Variants in HDAC9 observed in about 807,000 individuals in gnomAD.
The protein encoded by HDAC9 is MEF-2 interacting transcription repressor (MITR) protein.
Under a neutral mutation model 139.4 loss-of-function variants are expected in HDAC9, and 41 were observed. The observed-to-expected ratio is 0.29, with a 90% confidence interval of 0.23 to 0.38. The LOEUF (loss-of-function observed/expected upper bound fraction) is 0.38, where lower values mean the gene tolerates loss of function less well. Ranked by LOEUF, HDAC9 falls within the 10% of genes least tolerant of loss-of-function variation. The probability of loss-of-function intolerance (pLI) is 1.00; values close to 1 mark genes in which losing one functional copy is unlikely to be tolerated. For missense variants in HDAC9, 1,147 were observed against 1,297.0 expected (o/e 0.88, Z 1.78); for synonymous variants, 517 against 476.2 (o/e 1.09, Z -1.12).
intron 2 of HDAC9, among the ~76,000 whole-genome samples, chr7:18,498,512 A>AT (rs1264323100): frequency 6.6e-6 from 1 of 152,124 alleles, no homozygotes; most frequent in African/African-American, 2.4e-5. Context: ...TAACTGCTAA[A>AT]TTAGGGGTAT....
At chr7:18,172,802 T>C (rs1304260920) in intron 2 of HDAC9, among the ~76,000 whole-genome samples, 1 of 152,238 alleles carries the variant, frequency 6.6e-6, no homozygotes, top group Non-Finnish European at 1.5e-5. Flanking sequence ...TTGATTGCAC[T>C]GTGGTCTGAG....
rs759360875 is a variant in HDAC9, at chr7:18,161,563, G to T, written c.-96-666G>T. 7.9e-5 allele frequency among the ~76,000 whole-genome samples: 12 copies of T among 152,084 alleles called. No individual in the cohort carries two copies. The South Asian group carries it at 8.3e-4, about 11-fold the overall frequency. On this transcript the variant is annotated intron_variant, in intron 1 of 12. Transcript: ENST00000417496. ...GTCCTTCCAGTTGCTTTTCCTCTAAGTGTCTAGAAGTGGAAGTACATTAAA... is the reference window on the plus strand; with the variant it reads ...GTCCTTCCAGTTGCTTTTCCTCTAATTGTCTAGAAGTGGAAGTACATTAAA...
At chr7:18,792,642 G>A (rs1792425908) in intron 16 of HDAC9, among the ~76,000 whole-genome samples, 1 of 152,052 alleles carries the variant, frequency 6.6e-6, no homozygotes, top group Non-Finnish European at 1.5e-5. Context: ...CTATTTTACT[G>A]GCTTATCCAA....
At chr7:18,918,118 T>C (rs1301598471) in intron 22 of HDAC9, among the ~76,000 whole-genome samples, 1 of 152,070 alleles carries the variant, frequency 6.6e-6, no homozygotes, top group Non-Finnish European at 1.5e-5. Flanking sequence ...AATGCATTTC[T>C]GGCCATTTCT....
intron 2 of HDAC9, among the ~76,000 whole-genome samples, chr7:18,550,940 A>T (rs1816916453): frequency 6.6e-6 from 1 of 152,226 alleles, no homozygotes; most frequent in Non-Finnish European, 1.5e-5. Flanking sequence ...TTAGGACCCT[A>T]GCAATCCTGT....
chr7:18,418,128 T>C (rs1351532245), intron 1 of HDAC9, among the ~76,000 whole-genome samples: 5 of 152,180 alleles, frequency 3.3e-5, no homozygotes, highest in Non-Finnish European at 7.3e-5. Flanking sequence ...GTCTAGAATC[T>C]TGAAAACCGT....
intron 25 of HDAC9, among the ~76,000 whole-genome samples, chr7:18,988,557 G>C (rs1399453203): frequency 6.6e-6 from 1 of 152,010 alleles, no homozygotes; most frequent in African/African-American, 2.4e-5. Context: ...GGGGTGGAGA[G>C]TTCTGTAGAT....
chr7:18,748,206 G>T (rs565488679), intron 13 of HDAC9, among the ~76,000 whole-genome samples: 2 of 152,130 alleles, frequency 1.3e-5, no homozygotes, highest in East Asian at 3.9e-4. Context: ...TTTAAGTTCT[G>T]CTAATAATTC....
chr7:18,683,110 C>CT (rs887568024), intron 12 of HDAC9, among the ~76,000 whole-genome samples: 15 of 142,642 alleles, frequency 1.1e-4, no homozygotes, highest in Non-Finnish European at 1.9e-4. Flanking sequence ...CTGAACTTTT[C>CT]TTTTTTTTAC....
intron 1 of HDAC9, among the ~76,000 whole-genome samples, chr7:18,474,695 A>G (rs1449267823): frequency 6.6e-6 from 1 of 152,196 alleles, no homozygotes; most frequent in Non-Finnish European, 1.5e-5. Context: ...TTAGTGAACT[A>G]CTTCTTAATA....
chr7:18,900,167 A>C (rs1464550135), intron 22 of HDAC9, among the ~76,000 whole-genome samples: 2 of 152,282 alleles, frequency 1.3e-5, no homozygotes, highest in African/African-American at 4.8e-5. Flanking sequence ...TCTTAATTTC[A>C]AGTCTACAAA....
intron 7 of HDAC9, 62 bp downstream of exon 7, chr7:18,629,543 G>A: frequency 3.4e-6 from 5 of 1,450,006 alleles, no homozygotes; most frequent in East Asian, 4.8e-5. Flanking sequence ...AAATAGTTTA[G>A]AATAAATATA....
chr7:18,809,277 G>T (rs1038548580), intron 17 of HDAC9, among the ~76,000 whole-genome samples: 6 of 151,976 alleles, frequency 3.9e-5, no homozygotes, highest in African/African-American at 1.4e-4. Flanking sequence ...ACAGGGTCTT[G>T]GCAATGATTT....
At chr7:18,580,709 C>G (rs545708451) in intron 2 of HDAC9, among the ~76,000 whole-genome samples, 1 of 152,076 alleles carries the variant, frequency 6.6e-6, no homozygotes, top group Non-Finnish European at 1.5e-5. Flanking sequence ...TTGCATGTTC[C>G]CAGACAAGGA....
At chr7:18,659,708 C>G (rs1393745713) in intron 11 of HDAC9, among the ~76,000 whole-genome samples, 4 of 152,194 alleles carry the variant, frequency 2.6e-5, no homozygotes, top group African/African-American at 9.6e-5. Context: ...TTCTTCATCT[C>G]TGCTGGGTTC....
chr7:18,369,936 C>T (rs188837341), intron 1 of HDAC9, among the ~76,000 whole-genome samples: 1 of 152,240 alleles, frequency 6.6e-6, no homozygotes, highest in East Asian at 1.9e-4. Flanking sequence ...ACTTTCTCAT[C>T]ACCTGCCAAT....
chr7:18,640,828 C>T (rs570333729), intron 8 of HDAC9, among the ~76,000 whole-genome samples: 8 of 152,116 alleles, frequency 5.3e-5, no homozygotes, highest in East Asian at 1.9e-4. Flanking sequence ...GGTGCTGCCG[C>T]GTACTGATGC....
chr7:18,425,252 G>A (rs921646042), intron 1 of HDAC9, among the ~76,000 whole-genome samples: 15 of 152,168 alleles, frequency 9.9e-5, no homozygotes, highest in African/African-American at 3.4e-4. Flanking sequence ...AATTATTATC[G>A]CAGACAATTT....
intron 12 of HDAC9, chr7:18,668,330 T>C: frequency 1.1e-6 from 1 of 946,966 alleles, no homozygotes; most frequent in Non-Finnish European, 1.3e-6. Context: ...TTTTTGTCAG[T>C]TGTTTTGCAT....
Sources: gnomAD v4.1 joint callset for allele counts (sites outside exome capture counted in the v4.1 genomes callset) on GRCh38, gnomAD v4.1.1 for gene constraint, MANE v1.5 for transcripts, NCBI Gene and HGNC (gene_info 2026-07-23, HGNC 2026-07-21) for gene names.